AMN1: variants seen among roughly 807,000 people sequenced by gnomAD.
AMN1 encodes protein AMN1 homolog.
A neutral mutation model predicts 33.0 loss-of-function variants in AMN1; 20 were observed. The observed-to-expected ratio is 0.61, with a 90% CI of 0.43 to 0.88. The LOEUF (loss-of-function observed/expected upper bound fraction) is 0.88, where lower values mean the gene tolerates loss of function less well. Among genes scored for constraint, AMN1 ranks in the 40% least tolerant of loss-of-function variants. The pLI is 0.00. For synonymous variants in AMN1, 114 were observed against 111.9 expected (o/e 1.02, Z -0.12); for missense variants, 246 against 307.4 (o/e 0.80, Z 1.49).
intron 2 of AMN1, 88 bp downstream of exon 2, chr12:31,709,204 TC>T (rs1939371908): frequency 7.0e-7 from 1 of 1,432,418 alleles, no homozygotes; most frequent in African/African-American, 1.4e-5. Context: ...TGATTACCAG[TC>T]TTACCATATA....
intron 6 of AMN1, among the ~76,000 whole-genome samples, chr12:31,678,594 AC>A (rs1172691665): frequency 6.6e-6 from 1 of 152,016 alleles, no homozygotes; most frequent in Non-Finnish European, 1.5e-5. Context: ...ATGGGGTTTC[AC>A]CATATTGGCC....
chr12:31,727,498 T>C (rs536391106), intron 1 of AMN1, among the ~76,000 whole-genome samples: 19 of 152,322 alleles, frequency 1.2e-4, no homozygotes, highest in Non-Finnish European at 2.5e-4. Flanking sequence ...TCCATTCACA[T>C]TGGAGCGCTA....
chr12:31,706,795 G>C (rs777919718), intron 2 of AMN1, among the ~76,000 whole-genome samples: 2 of 152,146 alleles, frequency 1.3e-5, no homozygotes, highest in African/African-American at 2.4e-5. Flanking sequence ...GGCCGAAACA[G>C]ACTTGGGTCT....
intron 1 of AMN1, 99 bp downstream of exon 1, chr12:31,728,872 G>T (rs1283202544): frequency 1.0e-5 from 14 of 1,359,590 alleles, no homozygotes; most frequent in Non-Finnish European, 1.4e-5. Context: ...GTCGGCGGGG[G>T]GGGTGGGAAA....
upstream of AMN1, chr12:31,729,056 C>G (rs1393503086): frequency 4.7e-6 from 7 of 1,499,682 alleles, no homozygotes; most frequent in East Asian, 1.3e-4. Context: ...CCTCCAGAAC[C>G]CAGCCAGGGA....
At chr12:31,719,965 T>G (rs897495348) in intron 1 of AMN1, among the ~76,000 whole-genome samples, 7 of 152,248 alleles carry the variant, frequency 4.6e-5, no homozygotes, top group African/African-American at 1.7e-4. Context: ...GTTCTCAATA[T>G]ATGTTATAAT....
At chr12:31,691,791 C>A (rs1938509911) in intron 5 of AMN1, among the ~76,000 whole-genome samples, 1 of 152,094 alleles carries the variant, frequency 6.6e-6, no homozygotes. Context: ...GATACATAAT[C>A]ATATTTAGGA....
At chr12:31,726,061 T>C (rs1940051796) in intron 1 of AMN1, among the ~76,000 whole-genome samples, 7 of 152,184 alleles carry the variant, frequency 4.6e-5, no homozygotes, top group Admixed American at 3.3e-4. Context: ...ATATTTCTAC[T>C]GGATATTCTG....
At chr12:31,704,350 GAGT>G (rs1733292565) in intron 2 of AMN1, among the ~76,000 whole-genome samples, 1 of 151,972 alleles carries the variant, frequency 6.6e-6, no homozygotes, top group Non-Finnish European at 1.5e-5. Context: ...TTTTTCCTCT[GAGT>G]ATTTCCTGAT....
chr12:31,719,550 C>G (rs781147340), intron 1 of AMN1, among the ~76,000 whole-genome samples: 5 of 152,098 alleles, frequency 3.3e-5, no homozygotes, highest in African/African-American at 7.2e-5. Context: ...TTTTATCAAG[C>G]CTCCCTATCT....
intron 5 of AMN1, among the ~76,000 whole-genome samples, chr12:31,689,758 A>T (rs1278568400): frequency 6.6e-6 from 1 of 152,162 alleles, no homozygotes; most frequent in African/African-American, 2.4e-5. Context: ...TTATTTTTAA[A>T]TTTTTTAAAA....
At chr12:31,713,196 T>C (rs1475940174) in intron 1 of AMN1, among the ~76,000 whole-genome samples, 2 of 152,002 alleles carry the variant, frequency 1.3e-5, no homozygotes, top group African/African-American at 4.8e-5. Context: ...ACGTGAGAGA[T>C]GTAATGTTCT....
chr12:31,685,026 T>C (rs1471518111), intron 6 of AMN1, among the ~76,000 whole-genome samples: 4 of 147,364 alleles, frequency 2.7e-5, no homozygotes, highest in Non-Finnish European at 6.0e-5. Context: ...TTTTCCATAA[T>C]TATTATTTTT....
intron 5 of AMN1, 27 bp from the exon 6 acceptor site, chr12:31,689,145 C>A: frequency 1.4e-6 from 2 of 1,440,014 alleles, no homozygotes; most frequent in South Asian, 1.2e-5. Flanking sequence ...AAAATAAAGT[C>A]AAATGAAAAC....
chr12:31,723,848 C>T (rs1255829985), intron 1 of AMN1, among the ~76,000 whole-genome samples: 1 of 152,162 alleles, frequency 6.6e-6, no homozygotes, highest in African/African-American at 2.4e-5. Context: ...AAGATAACTA[C>T]CACTTGGTTG....
intron 5 of AMN1, among the ~76,000 whole-genome samples, chr12:31,691,678 A>G (rs1342071743): frequency 6.6e-6 from 1 of 152,188 alleles, no homozygotes; most frequent in African/African-American, 2.4e-5. Flanking sequence ...ACAAGGCTAT[A>G]TCTTATTTAT....
intron 1 of AMN1, among the ~76,000 whole-genome samples, chr12:31,725,050 G>A (rs892577025): frequency 2.4e-4 from 37 of 152,104 alleles, no homozygotes; most frequent in African/African-American, 8.0e-4. Context: ...TAAGTTTCTG[G>A]GATATAAACG....
chr12:31,714,264 C>T (rs2139717786), intron 1 of AMN1, among the ~76,000 whole-genome samples: 1 of 152,252 alleles, frequency 6.6e-6, no homozygotes, highest in East Asian at 1.9e-4. Context: ...CAACTAGGAT[C>T]TTAAGATTCC....
At chr12:31,691,228 A>AG (rs1294677123) in intron 5 of AMN1, among the ~76,000 whole-genome samples, 1 of 152,140 alleles carries the variant, frequency 6.6e-6, no homozygotes, top group Admixed American at 6.6e-5. Flanking sequence ...AGTAAAATAA[A>AG]GAAATAAAAA....
Sources: gnomAD v4.1 joint callset for allele counts (sites outside exome capture counted in the v4.1 genomes callset) on GRCh38, gnomAD v4.1.1 for gene constraint, MANE v1.5 for transcripts, NCBI Gene and HGNC (gene_info 2026-07-23, HGNC 2026-07-21) for gene names.